Variants in RPTOR observed in about 807,000 individuals in gnomAD.
RPTOR encodes the protein regulatory associated protein of MTOR complex 1, also known as regulatory-associated protein of mTOR.
In RPTOR, 21 loss-of-function variants were observed where a neutral mutation model predicts 169.9. That is an observed-to-expected ratio of 0.12 (90% CI 0.09 to 0.18). The LOEUF is 0.18. Among genes scored for constraint, RPTOR ranks in the 10% least tolerant of loss-of-function variants. The pLI, the probability that RPTOR is intolerant of heterozygous loss-of-function variation, is 1.00. For synonymous variants in RPTOR, 732 were observed against 753.2 expected (o/e 0.97, Z 0.46); for missense variants, 1,133 against 1,855.9 (o/e 0.61, Z 7.16).
chr17:80,822,630 G>T (rs1008168739), intron 8 of RPTOR, among the ~76,000 whole-genome samples: 3 of 152,238 alleles, frequency 2.0e-5, no homozygotes, highest in African/African-American at 7.2e-5. Flanking sequence ...AATTGCTGTT[G>T]TAAGACTTGT....
intron 3 of RPTOR, among the ~76,000 whole-genome samples, chr17:80,661,591 T>C (rs544763192): frequency 6.6e-6 from 1 of 152,304 alleles, no homozygotes; most frequent in African/African-American, 2.4e-5. Context: ...GCTCTGCTTT[T>C]TATGTCCGCC....
At chr17:80,855,005 T>C (rs988787210) in intron 11 of RPTOR, among the ~76,000 whole-genome samples, 10 of 152,250 alleles carry the variant, frequency 6.6e-5, no homozygotes, top group African/African-American at 2.2e-4. Context: ...ACGGAAGTAC[T>C]GTGCCGCCTT....
chr17:80,951,039 C>T (rs1488497401), intron 28 of RPTOR, among the ~76,000 whole-genome samples: 1 of 152,164 alleles, frequency 6.6e-6, no homozygotes, highest in Non-Finnish European at 1.5e-5. Context: ...CCGTGGCTAG[C>T]CCCGGGGTCC....
At chr17:80,717,708 T>G (rs1436022188) in intron 4 of RPTOR, among the ~76,000 whole-genome samples, 1 of 152,240 alleles carries the variant, frequency 6.6e-6, no homozygotes, top group Non-Finnish European at 1.5e-5. Flanking sequence ...CATTTAAACA[T>G]GCTAGTTTTA....
intron 2 of RPTOR, 60 bp downstream of exon 2, chr17:80,625,853 G>T: frequency 2.4e-6 from 3 of 1,243,550 alleles, no homozygotes; most frequent in Non-Finnish European, 3.6e-6. Flanking sequence ...TGGCCTGGGC[G>T]GGGCTCGCCA....
chr17:80,953,294 C>T (rs9891673), intron 28 of RPTOR, among the ~76,000 whole-genome samples: 51,037 of 151,978 alleles, frequency 0.34, 9,884 homozygotes, highest in East Asian at 0.56. Context: ...ATTTTTGAGA[C>T]AGGTTCTTGC....
rs34087784 is a variant in RPTOR at position 80,607,599 on chromosome 17, T to TTA, written c.163-18073_163-18072dup. ...TGGCATATATGTGTATATATGCCAT[T>TTA]TATATATATATATATATATAATTAT... On this transcript the variant is annotated intron_variant, in intron 1 of 33. Coordinates refer to ENST00000306801, the MANE Select transcript of RPTOR (RefSeq NM_020761.3). Among the ~76,000 whole-genome samples the TTA allele has an allele frequency of 7.6e-3, 1,114 of 147,088 alleles. 8 individuals carry two copies. The highest frequency in any genetic ancestry group is 0.064 in the Middle Eastern group (18 of 282).
At chr17:80,700,264 G>A (rs2066072860) in intron 3 of RPTOR, among the ~76,000 whole-genome samples, 1 of 152,238 alleles carries the variant, frequency 6.6e-6, no homozygotes, top group East Asian at 1.9e-4. Flanking sequence ...AGACATCAAA[G>A]GTTTCTAAGC....
At chr17:80,828,318 A>T (rs1011958501) in intron 9 of RPTOR, among the ~76,000 whole-genome samples, 1 of 152,110 alleles carries the variant, frequency 6.6e-6, no homozygotes, top group African/African-American at 2.4e-5. Flanking sequence ...TCATATGAGA[A>T]ACCCGTGGCA....
intron 6 of RPTOR, among the ~76,000 whole-genome samples, chr17:80,787,869 A>T (rs908058069): frequency 6.6e-6 from 1 of 152,170 alleles, no homozygotes; most frequent in Non-Finnish European, 1.5e-5. Context: ...TTGTGGATTT[A>T]TATCTAGGTT....
intron 3 of RPTOR, among the ~76,000 whole-genome samples, chr17:80,703,001 G>A (rs998866343): frequency 1.3e-5 from 2 of 152,218 alleles, no homozygotes; most frequent in African/African-American, 4.8e-5. Context: ...ATCTCCCAGC[G>A]ATCTGTGGGC....
At chr17:80,656,538 T>C (rs1325015263) in intron 3 of RPTOR, among the ~76,000 whole-genome samples, 1 of 152,232 alleles carries the variant, frequency 6.6e-6, no homozygotes, top group East Asian at 1.9e-4. Flanking sequence ...AAAACCCTTC[T>C]ATGTGCCTTC....
intron 7 of RPTOR, among the ~76,000 whole-genome samples, chr17:80,815,547 G>T (rs1473534734): frequency 6.6e-6 from 1 of 152,248 alleles, no homozygotes; most frequent in African/African-American, 2.4e-5. Flanking sequence ...TTTAAGTGGG[G>T]AAGTGACATG....
intron 7 of RPTOR, among the ~76,000 whole-genome samples, chr17:80,794,115 T>A (rs963950139): frequency 6.6e-6 from 1 of 152,190 alleles, no homozygotes; most frequent in Non-Finnish European, 1.5e-5. Flanking sequence ...AAATGTAAAA[T>A]GTTTACTCTC....
In RPTOR at chr17:80,913,249, A is replaced by G. The variant is rs533197163; in HGVS notation, c.2520+4320A>G. Among the ~76,000 whole-genome samples, 4 of 152,326 alleles carry G rather than the reference A, an allele frequency of 2.6e-5. No individual in the cohort carries two copies. The East Asian group carries it at 7.7e-4, about 29-fold the overall frequency. ...ATTTTTGTTCATCAGAGTCTAAAAC[A>G]GCCTTATTACTATGGAATGCCCTGT... On this transcript the variant is annotated intron_variant, in intron 21 of 33. Transcript: ENST00000306801.
chr17:80,678,144 A>T (rs1010478906), intron 3 of RPTOR, among the ~76,000 whole-genome samples: 8 of 152,266 alleles, frequency 5.3e-5, no homozygotes, highest in Non-Finnish European at 2.9e-5. Context: ...CCATCTCCCC[A>T]CTACCACAAG....
intron 7 of RPTOR, among the ~76,000 whole-genome samples, chr17:80,819,899 G>A (rs1045536263): frequency 3.3e-5 from 5 of 152,200 alleles, no homozygotes; most frequent in African/African-American, 9.6e-5. Context: ...TGTTACAGTC[G>A]TGCTGGGAGG....
At chr17:80,814,034 CTGAGGCTGAGGTGGGAGGATCGCT>C (rs950582432) in intron 7 of RPTOR, among the ~76,000 whole-genome samples, 98 of 152,174 alleles carry the variant, frequency 6.4e-4, no homozygotes, top group Admixed American at 1.2e-3. Context: ...ACTTGGGAGG[CTGAGGCTGAGGTGGGAGGATCGCT>C]TGAGGCTGGG....
At chr17:80,552,424 C>T (rs1328081029) in intron 1 of RPTOR, among the ~76,000 whole-genome samples, 1 of 152,198 alleles carries the variant, frequency 6.6e-6, no homozygotes, top group Non-Finnish European at 1.5e-5. Flanking sequence ...CACCATCACC[C>T]CATCTGAAGC....
Sources: allele counts gnomAD v4.1 joint callset (sites outside exome capture counted in the v4.1 genomes callset), GRCh38; gene constraint gnomAD v4.1.1; transcripts MANE v1.5; gene names NCBI Gene and HGNC (gene_info 2026-07-23, HGNC 2026-07-21).